Variants in NECAB1 observed in about 807,000 individuals in gnomAD.
NECAB1 encodes the protein N-terminal EF-hand calcium-binding protein 1.
A neutral mutation model predicts 57.5 loss-of-function variants in NECAB1; 29 were observed. The ratio of observed to expected loss-of-function variants is 0.50; its 90% CI spans 0.38 to 0.69. The LOEUF is 0.69. Ranked by LOEUF, NECAB1 falls within the 30% of genes least tolerant of loss-of-function variation. The pLI is 0.00. For missense variants in NECAB1, 372 were observed against 413.8 expected, an observed-to-expected ratio of 0.90 and a Z score of 0.88; for synonymous variants, 142 against 147.7, an observed-to-expected ratio of 0.96 and a Z score of 0.28.
chr8:90,934,554 C>A (rs1187170928), intron 9 of NECAB1, among the ~76,000 whole-genome samples, 197 bp downstream of exon 9: 1 of 151,920 alleles, frequency 6.6e-6, no homozygotes, highest in Non-Finnish European at 1.5e-5. Context: ...TGCAAAAGTA[C>A]CTGGCATGTA....
At chr8:90,890,231 T>C (rs1809125338) in intron 5 of NECAB1, among the ~76,000 whole-genome samples, 1 of 152,184 alleles carries the variant, frequency 6.6e-6, no homozygotes, top group Non-Finnish European at 1.5e-5. Context: ...TCATAGGGAC[T>C]GTTTCCTCCA....
intron 5 of NECAB1, among the ~76,000 whole-genome samples, chr8:90,883,114 A>AT (rs1435095016): frequency 6.6e-5 from 10 of 152,186 alleles, no homozygotes; most frequent in African/African-American, 2.2e-4. Flanking sequence ...ATTTTGTGGG[A>AT]TTTAAATTGA....
intron 3 of NECAB1, among the ~76,000 whole-genome samples, chr8:90,862,020 C>T (rs1441816054): frequency 2.6e-5 from 4 of 152,094 alleles, no homozygotes; most frequent in South Asian, 2.1e-4. Context: ...TACTCTTTTC[C>T]GTATCAGATA....
chr8:90,813,520 T>A (rs1812003968), intron 2 of NECAB1, among the ~76,000 whole-genome samples: 2 of 152,130 alleles, frequency 1.3e-5, no homozygotes, highest in Admixed American at 1.3e-4. Context: ...AATTTTCATG[T>A]TTTATTATTA....
rs566722713 is a variant in NECAB1, at chr8:90,817,649, C to A, written c.125-7068C>A. ...TTAAATATCAATTCAGCCTTCCATA[C>A]CTGAATTAAATTCCACTTGATCTTG... On this transcript the variant is annotated intron_variant, in intron 2 of 12. Transcript: ENST00000417640. 6.6e-5 allele frequency among the ~76,000 whole-genome samples: 10 copies of A among 151,772 alleles called. No individual in the cohort carries two copies. The South Asian group carries it at 8.3e-4, about 13-fold the overall frequency.
chr8:90,915,838 C>T (rs1412227528), intron 5 of NECAB1, among the ~76,000 whole-genome samples: 1 of 152,158 alleles, frequency 6.6e-6, no homozygotes, highest in African/African-American at 2.4e-5. Flanking sequence ...AGTCCAAAAG[C>T]CAAAGAACTT....
intron 1 of NECAB1, among the ~76,000 whole-genome samples, chr8:90,801,429 T>C (rs866003888): frequency 2.6e-5 from 4 of 152,318 alleles, no homozygotes; most frequent in African/African-American, 7.2e-5. Context: ...TGTGTATAAA[T>C]AGCTCATTCA....
At chr8:90,820,842 A>G (rs1054871984) in intron 2 of NECAB1, among the ~76,000 whole-genome samples, 1 of 151,936 alleles carries the variant, frequency 6.6e-6, no homozygotes, top group South Asian at 2.1e-4. Flanking sequence ...CACATAAATG[A>G]TCTTCACTTA....
intron 4 of NECAB1, among the ~76,000 whole-genome samples, chr8:90,874,947 A>ATTTTT (rs10631858): frequency 6.7e-5 from 10 of 149,342 alleles, no homozygotes; most frequent in East Asian, 3.9e-4. Context: ...TCCTAAATGC[A>ATTTTT]TTTTTTTTTT....
Position 90,951,169 on chromosome 8 carries a change from A to C in NECAB1, c.995A>C (p.Glu332Ala), listed in dbSNP as rs931790801. The C allele has an allele frequency of 1.9e-6, 3 of 1,604,102 alleles. No individual in the cohort carries two copies. In the African/African-American group the frequency reaches 4.0e-5, roughly 22 times the overall value. ...CAAAGAAGTAATGTGGATTTCTTGGAAACTCCAGAACTCACATCTACAATG... is the reference window on the plus strand; with the variant it reads ...CAAAGAAGTAATGTGGATTTCTTGGCAACTCCAGAACTCACATCTACAATG... The part of the protein sequence containing the change: ...TFQRSNVDFL[E>A]TPELTSTMLV... The change falls in exon 12 of 13, where the codon GAA (glutamate) becomes GCA (alanine). Residue 332 changes from glutamate (E) to alanine (A), a missense_variant. Coordinates refer to ENST00000417640, the MANE Select transcript of NECAB1 (RefSeq NM_022351.5).
chr8:90,930,065 C>G (rs992069888), intron 8 of NECAB1, among the ~76,000 whole-genome samples: 1 of 152,000 alleles, frequency 6.6e-6, no homozygotes, highest in Non-Finnish European at 1.5e-5. Context: ...AATTGGGCAG[C>G]AAGATGCAAA....
At chr8:90,946,400 G>A (rs112467849) in intron 10 of NECAB1, among the ~76,000 whole-genome samples, 7 of 152,264 alleles carry the variant, frequency 4.6e-5, no homozygotes, top group African/African-American at 7.2e-5. Flanking sequence ...AAGACATTTC[G>A]TCTCTCCATT....
intron 2 of NECAB1, among the ~76,000 whole-genome samples, chr8:90,808,251 A>G (rs1299253229): frequency 2.0e-5 from 3 of 152,170 alleles, no homozygotes; most frequent in Non-Finnish European, 2.9e-5. Flanking sequence ...GCATAGACTT[A>G]TCCCAAAACG....
chr8:90,863,338 G>GCAAAACAAT (rs1400169308), intron 3 of NECAB1, among the ~76,000 whole-genome samples: 4 of 152,032 alleles, frequency 2.6e-5, no homozygotes, highest in African/African-American at 9.7e-5. Flanking sequence ...TCAGAATTAT[G>GCAAAACAAT]CAAAACAATT....
chr8:90,919,945 A>C (rs142223391), intron 6 of NECAB1, among the ~76,000 whole-genome samples: 2,025 of 152,292 alleles, frequency 0.013, 15 homozygotes, highest in Non-Finnish European at 0.019. Flanking sequence ...TGAATGTTTA[A>C]TGAACAACTG....
Position 90,791,775 on chromosome 8 carries a change from C to A in NECAB1, c.-112C>A. On this transcript the variant is annotated 5_prime_UTR_variant, in exon 1 of 13. Coordinates refer to ENST00000417640, the MANE Select transcript of NECAB1 (RefSeq NM_022351.5). ...GGAGGCGCGCGCGGGAGCGAACACC[C>A]TCCCGGATCCAGAGCCCGGCGGCGG... 3 of 796,948 alleles carry A rather than the reference C, an allele frequency of 3.8e-6. No individual in the cohort carries two copies. Among genetic ancestry groups the A allele is most frequent in the South Asian group, 3.4e-5 (2 of 58,336 alleles). 49.4% of individuals were successfully genotyped at this position (796,948 alleles called of 1,614,324 possible). A position where few individuals can be genotyped will look rare whatever the true frequency, so the allele number is the denominator to read the frequency against.
chr8:90,955,112 T>TTTTATATATATATATA (rs1554578887), intron 12 of NECAB1, among the ~76,000 whole-genome samples: 5 of 70,808 alleles, frequency 7.1e-5, no homozygotes, highest in African/African-American at 2.4e-4. Context: ...GGTATATAAA[T>TTTTATATATATATATA]TATATATATA....
At chr8:90,927,690 T>C (rs748204808) in intron 7 of NECAB1, among the ~76,000 whole-genome samples, 12 of 151,606 alleles carry the variant, frequency 7.9e-5, no homozygotes, top group Non-Finnish European at 1.6e-4. Flanking sequence ...TATATGAATA[T>C]AGATCAACAG....
At chr8:90,853,522 G>GT (rs1268944914) in intron 3 of NECAB1, among the ~76,000 whole-genome samples, 1 of 151,896 alleles carries the variant, frequency 6.6e-6, no homozygotes, top group Non-Finnish European at 1.5e-5. Flanking sequence ...CTTAAATCTT[G>GT]TTTTTTTCAT....
Sources: gnomAD v4.1 joint callset for allele counts (sites outside exome capture counted in the v4.1 genomes callset) on GRCh38, gnomAD v4.1.1 for gene constraint, MANE v1.5 for transcripts, NCBI Gene and HGNC (gene_info 2026-07-23, HGNC 2026-07-21) for gene names.